Variants in IGF2R observed in about 807,000 individuals in gnomAD.
IGF2R encodes the protein insulin like growth factor 2 receptor.
A neutral mutation model predicts 270.6 loss-of-function variants in IGF2R; 91 were observed. The ratio of observed to expected loss-of-function variants is 0.34; its 90% CI spans 0.28 to 0.40. The LOEUF is 0.40. IGF2R is among the 10% of genes least tolerant of loss of function. IGF2R has a pLI of 1.00. For missense variants in IGF2R, 2,805 were observed against 3,188.3 expected, an observed-to-expected ratio of 0.88 and a Z score of 2.90; for synonymous variants, 1,316 against 1,258.9, an observed-to-expected ratio of 1.05 and a Z score of -0.96.
chr6:160,062,353 T>C, intron 25 of IGF2R, among the ~76,000 whole-genome samples, 179 bp from the exon 26 acceptor site: 1 of 151,988 alleles, frequency 6.6e-6, no homozygotes, highest in East Asian at 1.9e-4. Flanking sequence ...TTTGTATTTT[T>C]AGTAGAGACG....
intron 4 of IGF2R, among the ~76,000 whole-genome samples, chr6:160,015,601 C>T (rs1777272801): frequency 6.6e-6 from 1 of 152,176 alleles, no homozygotes; most frequent in Admixed American, 6.5e-5. Flanking sequence ...TGAAACTGTA[C>T]TGCAAAGATG....
chr6:160,085,156 T>C lies in IGF2R; in HGVS notation c.6205+25T>C, dbSNP rs549711198. 5.7e-5 allele frequency: 91 copies of C among 1,609,456 alleles called. No homozygotes were observed. The South Asian group carries it at 8.5e-4, about 15-fold the overall frequency. ...GGTAAGGCCTGTGGGTCCTGGTCCT[T>C]GGTTCAAGGAGCAGCATCTGAACCG... On this transcript the variant is annotated intron_variant, in intron 41 of 47. Transcript: ENST00000356956.
intron 47 of IGF2R, 83 bp from the exon 48 acceptor site, chr6:160,104,591 G>T: frequency 7.0e-7 from 1 of 1,424,694 alleles, no homozygotes; most frequent in Non-Finnish European, 9.6e-7. Flanking sequence ...TGCCAGCAGA[G>T]AGCATCCCTG....
At chr6:160,097,364 T>C (rs1326250525) in intron 45 of IGF2R, among the ~76,000 whole-genome samples, 1 of 152,252 alleles carries the variant, frequency 6.6e-6, no homozygotes, top group Non-Finnish European at 1.5e-5. Flanking sequence ...GGACTCTTGC[T>C]CTGTCACTCA....
At chr6:160,072,672 C>A in intron 32 of IGF2R, 93 bp from the exon 33 acceptor site, 2 of 1,419,840 alleles carry the variant, frequency 1.4e-6, no homozygotes, top group Non-Finnish European at 2.0e-6. Context: ...AGTCCCGATG[C>A]TGACATAATC....
intron 41 of IGF2R, 28 bp from the exon 42 acceptor site, chr6:160,088,005 T>C: frequency 7.1e-7 from 1 of 1,404,618 alleles, no homozygotes; most frequent in Non-Finnish European, 1.0e-6. Context: ...CTAGAAATAA[T>C]GTCAGTTCAA....
intron 26 of IGF2R, 43 bp from the exon 27 acceptor site, chr6:160,063,372 T>C: frequency 7.0e-7 from 1 of 1,430,572 alleles, no homozygotes; most frequent in Non-Finnish European, 9.9e-7. Context: ...TGTGAATGCG[T>C]GTGTGGTTGC....
At chr6:160,030,242 A>C (rs1269083898) in intron 7 of IGF2R, among the ~76,000 whole-genome samples, 2 of 152,164 alleles carry the variant, frequency 1.3e-5, no homozygotes, top group Non-Finnish European at 2.9e-5. Context: ...TGTTTTAACC[A>C]GGGGCAGGTG....
At chr6:160,043,768 A>C (rs910231313) in intron 12 of IGF2R, among the ~76,000 whole-genome samples, 1 of 152,164 alleles carries the variant, frequency 6.6e-6, no homozygotes, top group Non-Finnish European at 1.5e-5. Flanking sequence ...AGACTTCTCA[A>C]TTATTTGATA....
intron 10 of IGF2R, among the ~76,000 whole-genome samples, chr6:160,035,797 A>G (rs961401189): frequency 2.6e-5 from 4 of 152,334 alleles, no homozygotes; most frequent in East Asian, 1.9e-4. Context: ...CAGTGCTGCT[A>G]GAGTAGAGCG....
chr6:160,080,256 G>A lies in IGF2R; in HGVS notation c.5814G>A (p.Glu1938=). 1 of 1,614,062 alleles carries A rather than the reference G, an allele frequency of 6.2e-7. No individual in the cohort carries two copies. Among genetic ancestry groups the A allele is most frequent in the Non-Finnish European group, 8.5e-7 (1 of 1,179,996 alleles). Residue 1938 remains glutamate, a synonymous_variant, in exon 39 of 48, where the codon GAG becomes GAA. Coordinates refer to ENST00000356956, the MANE Select transcript of IGF2R (RefSeq NM_000876.4). ...CTGCGGACTACGACAGAGACCACGA[G>A]TGGGGCTTCTGCAGACACTGTGAGT... ...STTADYDRDH[E]WGFCRHSNSY...
intron 2 of IGF2R, chr6:160,007,510 T>A (rs1019310889): frequency 3.3e-5 from 5 of 152,230 alleles, no homozygotes; most frequent in African/African-American, 1.2e-4. Context: ...CATTTTTCTT[T>A]GATTTGCTTG....
chr6:160,071,026 C>G (rs991779206), intron 31 of IGF2R, among the ~76,000 whole-genome samples: 2 of 152,126 alleles, frequency 1.3e-5, no homozygotes, highest in African/African-American at 4.8e-5. Flanking sequence ...TGTGTGGGGC[C>G]CCTGTGCCCA....
chr6:160,042,728 CAG>C (rs1777972660), intron 11 of IGF2R, among the ~76,000 whole-genome samples: 1 of 152,228 alleles, frequency 6.6e-6, no homozygotes, highest in Non-Finnish European at 1.5e-5. Context: ...CAGGCCTTCA[CAG>C]GGGCCGAGCG....
chr6:159,989,359 G>A (rs1257745962), intron 1 of IGF2R, among the ~76,000 whole-genome samples: 1 of 152,042 alleles, frequency 6.6e-6, no homozygotes, highest in African/African-American at 2.4e-5. Flanking sequence ...CATTGCCTTG[G>A]TGCACTGTGG....
At chr6:159,977,362 G>C (rs1037559032) in intron 1 of IGF2R, among the ~76,000 whole-genome samples, 2 of 152,214 alleles carry the variant, frequency 1.3e-5, no homozygotes, top group East Asian at 3.8e-4. Flanking sequence ...CGTGGGGTAG[G>C]GCTGGGAGCA....
chr6:160,068,990 A>G (rs1423044577), intron 30 of IGF2R, among the ~76,000 whole-genome samples: 1 of 152,166 alleles, frequency 6.6e-6, no homozygotes, highest in Non-Finnish European at 1.5e-5. Context: ...AGATGAAGAT[A>G]TAATAGATAG....
intron 5 of IGF2R, among the ~76,000 whole-genome samples, chr6:160,026,184 A>G (rs1024160787): frequency 1.3e-5 from 2 of 152,220 alleles, no homozygotes; most frequent in African/African-American, 4.8e-5. Flanking sequence ...CTGAGTCCCC[A>G]TGAGGGCAAG....
intron 2 of IGF2R, among the ~76,000 whole-genome samples, chr6:159,993,622 C>T (rs529833907): frequency 1.2e-3 from 178 of 152,222 alleles, no homozygotes; most frequent in African/African-American, 4.2e-3. Flanking sequence ...ATTACTATAG[C>T]CTTCAGGTAT....
Sources: gnomAD v4.1 joint callset for allele counts (sites outside exome capture counted in the v4.1 genomes callset) on GRCh38, gnomAD v4.1.1 for gene constraint, MANE v1.5 for transcripts, NCBI Gene and HGNC (gene_info 2026-07-23, HGNC 2026-07-21) for gene names.